Variants in SFT2D2 observed in about 807,000 individuals in gnomAD.
The protein encoded by SFT2D2 is vesicle transport protein SFT2B.
SFT2D2 carries 21 observed loss-of-function variants against 27.4 expected under a neutral mutation model. That is an observed-to-expected ratio of 0.77 (90% CI 0.54 to 1.10). SFT2D2 has a LOEUF of 1.10. Ranked by LOEUF, SFT2D2 falls within the 50% of genes least tolerant of loss-of-function variation. The pLI is 0.00. For missense variants in SFT2D2, 187 were observed against 194.2 expected (o/e 0.96, Z 0.22); for synonymous variants, 72 against 71.7 (o/e 1.00, Z -0.02).
At position 168,235,202 on chromosome 1, in the gene SFT2D2, T is replaced by G. The variant is rs780814419; in HGVS notation, c.318+20T>G. On this transcript the variant is annotated intron_variant, in intron 4 of 7. Coordinates refer to ENST00000271375, the MANE Select transcript of SFT2D2 (RefSeq NM_199344.3). Reference sequence around the variant, plus strand: ...GTGCTGGTAAGGTCTGCTTTTTAGCTGGACTTCTCAGATGGGAGTTTTTAT... The same window carrying G: ...GTGCTGGTAAGGTCTGCTTTTTAGCGGGACTTCTCAGATGGGAGTTTTTAT... 1 of 1,611,666 alleles carries G rather than the reference T, an allele frequency of 6.2e-7. No homozygotes were observed. The highest frequency in any genetic ancestry group is 1.1e-5 in the South Asian group (1 of 91,046).
In SFT2D2 at chr1:168,249,107, T is replaced by C. The variant is rs1362960911; in HGVS notation, c.*6567T>C. On this transcript the variant is annotated 3_prime_UTR_variant, in exon 8 of 8. Coordinates refer to ENST00000271375, the MANE Select transcript of SFT2D2 (RefSeq NM_199344.3). ...GTCCTGCTCTAATCTTAGTTATTTC[T>C]TGTCTTCTGCTAGCTTTTGAATTTG... The C allele has an allele frequency of 6.6e-6, 1 of 152,236 alleles. No individual in the cohort carries two copies. The highest frequency in any genetic ancestry group is 1.5e-5 in the Non-Finnish European group (1 of 68,044). The allele number at this position is 152,236 out of a possible 1,614,324, so 9.4% of individuals were successfully genotyped here.
intron 6 of SFT2D2, among the ~76,000 whole-genome samples, chr1:168,237,861 GT>G (rs34474940): frequency 0.092 from 9,028 of 98,294 alleles, 311 homozygotes; most frequent in Middle Eastern, 0.21. Context: ...GTGTGTGTAT[GT>G]TTTTTTTTTT....
chr1:168,243,805 T>G lies in SFT2D2; in HGVS notation c.*1265T>G, dbSNP rs1233557085. 2 of 152,892 alleles carry G rather than the reference T, an allele frequency of 1.3e-5. No homozygotes were observed. Among genetic ancestry groups the G allele is most frequent in the Non-Finnish European group, 2.9e-5 (2 of 68,592 alleles). 9.5% of individuals were successfully genotyped at this position (152,892 alleles called of 1,614,324 possible). A position where few individuals can be genotyped will look rare whatever the true frequency, so the allele number is the denominator to read the frequency against. Reference sequence around the variant, plus strand: ...CCTCCTGTAACTGCCTGTGACTGTTTCCCTCGTTTTCATCAGCCAAGCCAT... The same window carrying G: ...CCTCCTGTAACTGCCTGTGACTGTTGCCCTCGTTTTCATCAGCCAAGCCAT... On this transcript the variant is annotated 3_prime_UTR_variant, in exon 8 of 8. Coordinates refer to ENST00000271375, the MANE Select transcript of SFT2D2 (RefSeq NM_199344.3).
chr1:168,251,483 G>A lies in SFT2D2; in HGVS notation c.*8943G>A, dbSNP rs984082596. 1 of 152,144 alleles carries A rather than the reference G, an allele frequency of 6.6e-6. No individual in the cohort carries two copies. The highest frequency in any genetic ancestry group is 2.4e-5 in the African/African-American group (1 of 41,420). 9.4% of individuals were successfully genotyped at this position (152,144 alleles called of 1,614,324 possible). On this transcript the variant is annotated 3_prime_UTR_variant, in exon 8 of 8. Transcript: ENST00000271375. ...AGTGGAATGAATTGGGAAATTGAAGGGCAGCCCAGTGGCTATGGATTCTAT... is the reference window on the plus strand; with the variant it reads ...AGTGGAATGAATTGGGAAATTGAAGAGCAGCCCAGTGGCTATGGATTCTAT...
chr1:168,226,600 C>T (rs951644509), intron 1 of SFT2D2, among the ~76,000 whole-genome samples: 7 of 152,174 alleles, frequency 4.6e-5, no homozygotes, highest in African/African-American at 1.7e-4. Flanking sequence ...GGCCGCGCCC[C>T]GAGCTCTGCC....
chr1:168,231,946 T>C, intron 3 of SFT2D2, 27 bp downstream of exon 3: 1 of 1,596,544 alleles, frequency 6.3e-7, no homozygotes, highest in Non-Finnish European at 8.6e-7. Flanking sequence ...AATCCAATTT[T>C]AGCCAATCAT....
chr1:168,227,622 C>T (rs1165012326), intron 1 of SFT2D2, among the ~76,000 whole-genome samples: 1 of 152,096 alleles, frequency 6.6e-6, no homozygotes, highest in Non-Finnish European at 1.5e-5. Context: ...AGAGTAATTT[C>T]ACGGGTTTTT....
At chr1:168,242,173 T>C (rs1000391958) in intron 7 of SFT2D2, among the ~76,000 whole-genome samples, 5 of 152,198 alleles carry the variant, frequency 3.3e-5, no homozygotes, top group Non-Finnish European at 5.9e-5. Flanking sequence ...TTGACCGATA[T>C]TAAAGTGCAG....
chr1:168,227,897 G>A (rs1489404531), intron 1 of SFT2D2, among the ~76,000 whole-genome samples: 1 of 152,228 alleles, frequency 6.6e-6, no homozygotes, highest in Non-Finnish European at 1.5e-5. Flanking sequence ...ACCCTCAACA[G>A]TGGACGACTA....
At chr1:168,235,356 C>G (rs1429197176) in intron 4 of SFT2D2, among the ~76,000 whole-genome samples, 174 bp downstream of exon 4, 1 of 152,142 alleles carries the variant, frequency 6.6e-6, no homozygotes, top group African/African-American at 2.4e-5. Context: ...ACTACGATCC[C>G]CTCCTCCCCT....
chr1:168,236,919 G>C, intron 6 of SFT2D2, 149 bp downstream of exon 6: 1 of 1,012,984 alleles, frequency 9.9e-7, no homozygotes. Flanking sequence ...GTGAAGTCAG[G>C]CTCCAGAGCA....
chr1:168,235,332 A>G, intron 4 of SFT2D2, 150 bp downstream of exon 4: 4 of 767,998 alleles, frequency 5.2e-6, no homozygotes, highest in Non-Finnish European at 8.8e-6. Context: ...GCAGAAGGGA[A>G]CACTCTAAGT....
At chr1:168,226,717 G>A (rs1384671820) in intron 1 of SFT2D2, among the ~76,000 whole-genome samples, 3 of 152,214 alleles carry the variant, frequency 2.0e-5, no homozygotes, top group Non-Finnish European at 4.4e-5. Flanking sequence ...CATGAGGACA[G>A]GGACCACATC....
At position 168,235,161 on chromosome 1, in the gene SFT2D2, G is replaced by C; in HGVS notation, c.297G>C (p.Leu99Phe). Residue 99 changes from leucine to phenylalanine, a missense_variant, in exon 4 of 8, where the codon TTG becomes TTC. Coordinates refer to ENST00000271375, the MANE Select transcript of SFT2D2 (RefSeq NM_199344.3). ...QLKRMFEPTRLIATIMVLLCF... is the reference protein window; with the variant it reads ...QLKRMFEPTRFIATIMVLLCF... ...AGCGAATGTTTGAGCCTACTCGTTT[G>C]ATTGCAACTATCATGGTGCTGGTAA... The C allele has an allele frequency of 6.2e-7, 1 of 1,614,196 alleles. No individual in the cohort carries two copies. Among genetic ancestry groups the C allele is most frequent in the Non-Finnish European group, 8.5e-7 (1 of 1,180,032 alleles).
chr1:168,242,814 T>C lies in SFT2D2; in HGVS notation c.*274T>C. ...GTTTCCTCTCTGGATGTTGTCCCAC[T>C]GAATTCCCATGAATACAAACCTATT... On this transcript the variant is annotated 3_prime_UTR_variant, in exon 8 of 8. Coordinates refer to ENST00000271375, the MANE Select transcript of SFT2D2 (RefSeq NM_199344.3). The C allele has an allele frequency of 2.2e-6, 1 of 453,742 alleles. No homozygotes were observed. Among genetic ancestry groups the C allele is most frequent in the Non-Finnish European group, 4.1e-6 (1 of 244,454 alleles). 28.1% of individuals were successfully genotyped at this position (453,742 alleles called of 1,614,324 possible).
At position 168,246,166 on chromosome 1, in the gene SFT2D2, A is replaced by G. The variant is rs1024107054; in HGVS notation, c.*3626A>G. ...GACATTGTTTTTCTTTCAAATGATT[A>G]ACTTTATTGATCATCCTCTTGTTCT... On this transcript the variant is annotated 3_prime_UTR_variant, in exon 8 of 8. Coordinates refer to ENST00000271375, the MANE Select transcript of SFT2D2 (RefSeq NM_199344.3). 35 of 243,652 alleles carry G rather than the reference A, an allele frequency of 1.4e-4. No individual in the cohort carries two copies. Among genetic ancestry groups the G allele is most frequent in the Middle Eastern group, 3.2e-3 (2 of 622 alleles). 15.1% of individuals were successfully genotyped at this position (243,652 alleles called of 1,614,324 possible).
At chr1:168,229,749 G>A (rs1572450432) in intron 1 of SFT2D2, 1 of 149,494 alleles carries the variant, frequency 6.7e-6, no homozygotes, top group African/African-American at 2.6e-5. Context: ...AGGAAGAGTG[G>A]TAGCTTCTCA....
At chr1:168,234,112 T>A (rs1357391819) in intron 3 of SFT2D2, among the ~76,000 whole-genome samples, 1 of 152,122 alleles carries the variant, frequency 6.6e-6, no homozygotes, top group African/African-American at 2.4e-5. Context: ...GAAAGCATGC[T>A]GGGGGCCAGG....
chr1:168,234,760 C>G (rs2102330309), intron 3 of SFT2D2, among the ~76,000 whole-genome samples: 1 of 152,200 alleles, frequency 6.6e-6, no homozygotes, highest in Non-Finnish European at 1.5e-5. Flanking sequence ...GTCAGGGAGG[C>G]AAGGTAACAC....
Sources: allele counts gnomAD v4.1 joint callset (sites outside exome capture counted in the v4.1 genomes callset), GRCh38; gene constraint gnomAD v4.1.1; transcripts MANE v1.5; gene names NCBI Gene and HGNC (gene_info 2026-07-23, HGNC 2026-07-21).